Variants in DTL observed in about 807,000 individuals in gnomAD.
DTL encodes denticleless protein homolog.
In DTL, 46 loss-of-function variants were observed where a neutral mutation model predicts 87.0. That is an observed-to-expected ratio of 0.53 (90% CI 0.42 to 0.68). The LOEUF (loss-of-function observed/expected upper bound fraction) is 0.68. Among genes scored for constraint, DTL ranks in the 30% least tolerant of loss-of-function variants. The pLI, the probability that DTL is intolerant of heterozygous loss-of-function variation, is 0.00. For missense variants in DTL, 737 were observed against 869.4 expected (o/e 0.85, Z 1.91); for synonymous variants, 308 against 311.2 (o/e 0.99, Z 0.11).
intron 5 of DTL, among the ~76,000 whole-genome samples, chr1:212,054,882 A>G (rs1379004112): frequency 1.3e-5 from 2 of 151,798 alleles, no homozygotes; most frequent in African/African-American, 2.4e-5. Flanking sequence ...TTTTAGGCGG[A>G]GTAAATTCCA....
intron 13 of DTL, 92 bp downstream of exon 13, chr1:212,080,842 G>A: frequency 2.2e-6 from 3 of 1,392,598 alleles, no homozygotes; most frequent in South Asian, 1.4e-5. Flanking sequence ...TCTTGCTTTG[G>A]TATGTTTTTA....
intron 12 of DTL, among the ~76,000 whole-genome samples, chr1:212,079,207 T>A (rs1183222474): frequency 6.6e-6 from 1 of 152,106 alleles, no homozygotes; most frequent in East Asian, 1.9e-4. Context: ...ATTAATGATA[T>A]TTTTTCCTCT....
At chr1:212,059,489 ACTC>A (rs140171887) in intron 5 of DTL, among the ~76,000 whole-genome samples, 9,306 of 152,052 alleles carry the variant, frequency 0.061, 430 homozygotes, top group African/African-American at 0.13. Context: ...GAATTAAAAA[ACTC>A]AACCAACTAG....
chr1:212,092,292 T>C (rs1410708556), intron 13 of DTL, among the ~76,000 whole-genome samples: 1 of 152,202 alleles, frequency 6.6e-6, no homozygotes, highest in Admixed American at 6.5e-5. Flanking sequence ...CCTAGCACTT[T>C]GGGAGGCCAA....
At chr1:212,087,999 C>T (rs1033989415) in intron 13 of DTL, among the ~76,000 whole-genome samples, 4 of 152,138 alleles carry the variant, frequency 2.6e-5, no homozygotes, top group African/African-American at 9.7e-5. Flanking sequence ...ATGTTTTAGC[C>T]AGAGATCTCA....
At chr1:212,049,993 A>C (rs1024982349) in intron 5 of DTL, among the ~76,000 whole-genome samples, 5 of 52,960 alleles carry the variant, frequency 9.4e-5, no homozygotes, top group African/African-American at 3.5e-4. Context: ...CCTGGGTAAC[A>C]TAGTGAGACC....
At chr1:212,059,492 C>CA (rs1336316673) in intron 5 of DTL, among the ~76,000 whole-genome samples, 4 of 134,138 alleles carry the variant, frequency 3.0e-5, no homozygotes, top group African/African-American at 1.3e-4. Flanking sequence ...TTAAAAAACT[C>CA]AACCAACTAG....
At chr1:212,043,872 A>G (rs1426121426) in intron 2 of DTL, among the ~76,000 whole-genome samples, 2 of 151,692 alleles carry the variant, frequency 1.3e-5, no homozygotes, top group Non-Finnish European at 2.9e-5. Context: ...GTCTCCACCC[A>G]TAATAGTTTG....
chr1:212,044,038 G>A lies in DTL; in HGVS notation c.179-622G>A, dbSNP rs183109753. ...TGGGAGGCGGAAGTTGCAGTGAGCTGAGATCACGCCACTGCATTCCTGCCT... is the reference window on the plus strand; with the variant it reads ...TGGGAGGCGGAAGTTGCAGTGAGCTAAGATCACGCCACTGCATTCCTGCCT... On this transcript the variant is annotated intron_variant, in intron 2 of 14. Transcript: ENST00000366991. 7.8e-4 allele frequency among the ~76,000 whole-genome samples: 118 copies of A among 152,164 alleles called. 1 individual carries two copies. Among genetic ancestry groups the A allele is most frequent in the African/African-American group, 2.7e-3 (111 of 41,490 alleles).
chr1:212,066,917 G>T (rs1484025557), intron 8 of DTL, 32 bp downstream of exon 8: 7 of 1,564,310 alleles, frequency 4.5e-6, no homozygotes, highest in African/African-American at 4.1e-5. Flanking sequence ...CTTCCGACGA[G>T]ATCTTTTTTA....
intron 13 of DTL, among the ~76,000 whole-genome samples, 159 bp from the exon 14 acceptor site, chr1:212,100,093 A>C (rs1354545276): frequency 6.6e-6 from 1 of 152,184 alleles, no homozygotes; most frequent in Non-Finnish European, 1.5e-5. Flanking sequence ...AGAGAAAGGA[A>C]AATGATAAAA....
intron 6 of DTL, among the ~76,000 whole-genome samples, chr1:212,063,648 T>C (rs2102549176): frequency 6.6e-6 from 1 of 152,322 alleles, no homozygotes; most frequent in Non-Finnish European, 1.5e-5. Flanking sequence ...CATGATGCTA[T>C]TAAGCAGACG....
intron 5 of DTL, chr1:212,052,097 A>C: frequency 1.3e-6 from 1 of 742,082 alleles, no homozygotes; most frequent in East Asian, 2.6e-5. Flanking sequence ...TTTCATTGCT[A>C]AAGTTGTTCC....
chr1:212,048,583 G>A (rs1249087613), intron 5 of DTL, among the ~76,000 whole-genome samples: 1 of 152,186 alleles, frequency 6.6e-6, no homozygotes, highest in African/African-American at 2.4e-5. Flanking sequence ...AGATTTAAGA[G>A]TTATATAACA....
rs999741873 is a variant in DTL at position 212,059,442 on chromosome 1, A to G, written c.461-3442A>G. 2.6e-5 allele frequency among the ~76,000 whole-genome samples: 4 copies of G among 152,220 alleles called. No homozygotes were observed. The East Asian group carries it at 5.8e-4, about 22-fold the overall frequency. On this transcript the variant is annotated intron_variant, in intron 5 of 14. Transcript: ENST00000366991. ...AAACCATATGATCATTTTAGTAGAT[A>G]GAGAAAAATAATTCGATAAAATTCA...
chr1:212,095,125 C>G (rs1655406702), intron 13 of DTL, among the ~76,000 whole-genome samples: 1 of 152,116 alleles, frequency 6.6e-6, no homozygotes, highest in Non-Finnish European at 1.5e-5. Flanking sequence ...GCTTCCACTA[C>G]TATGTTGAAT....
intron 5 of DTL, among the ~76,000 whole-genome samples, chr1:212,059,466 C>A (rs1668274169): frequency 6.6e-6 from 1 of 151,422 alleles, no homozygotes; most frequent in African/African-American, 2.4e-5. Flanking sequence ...CGATAAAATT[C>A]AGCATCTCCT....
intron 13 of DTL, among the ~76,000 whole-genome samples, chr1:212,089,320 TA>T (rs1228377930): frequency 6.6e-6 from 1 of 152,164 alleles, no homozygotes; most frequent in Non-Finnish European, 1.5e-5. Context: ...ATGCACCTGT[TA>T]AAAATAATGC....
Position 212,102,832 on chromosome 1 carries a change from C to T in DTL, c.2095-10C>T, listed in dbSNP as rs1379948512. The T allele has an allele frequency of 6.3e-7, 1 of 1,585,950 alleles. No homozygotes were observed. The highest frequency in any genetic ancestry group is 1.4e-5 in the African/African-American group (1 of 73,998). ...AGGAAATCTCTGAAATCTAAACTTT[C>T]TTCTTCTAGGTCACCATCACGCCCA... On this transcript the variant is annotated splice_polypyrimidine_tract_variant and intron_variant, in intron 14 of 14. Coordinates refer to ENST00000366991, the MANE Select transcript of DTL (RefSeq NM_016448.4).
Sources: gnomAD v4.1 joint callset for allele counts (sites outside exome capture counted in the v4.1 genomes callset) on GRCh38, gnomAD v4.1.1 for gene constraint, MANE v1.5 for transcripts, NCBI Gene and HGNC (gene_info 2026-07-23, HGNC 2026-07-21) for gene names.